SLC44A4: variants seen among roughly 807,000 people sequenced by gnomAD.
SLC44A4 encodes the protein solute carrier family 44 member 4.
Under a neutral mutation model 97.0 loss-of-function variants are expected in SLC44A4, and 74 were observed. That is an observed-to-expected ratio of 0.76 (90% confidence interval 0.63 to 0.93). SLC44A4 has a LOEUF of 0.93. Among genes scored for constraint, SLC44A4 ranks in the 40% least tolerant of loss-of-function variants. The pLI is 0.00. For synonymous variants in SLC44A4, 325 were observed against 363.8 expected, an observed-to-expected ratio of 0.89 and a Z score of 1.21; for missense variants, 799 against 902.9, an observed-to-expected ratio of 0.88 and a Z score of 1.48.
intron 11 of SLC44A4, among the ~76,000 whole-genome samples, chr6:31,870,248 G>GTGAT (rs1306473721): frequency 6.6e-6 from 1 of 152,116 alleles, no homozygotes; most frequent in African/African-American, 2.4e-5. Flanking sequence ...ACCCCCAAGC[G>GTGAT]TGATCCCTTG....
In SLC44A4 at chr6:31,878,934, G is replaced by C. The variant is rs1485647716; in HGVS notation, c.40+7C>G. 11 of 1,613,514 alleles carry C rather than the reference G, an allele frequency of 6.8e-6. No individual in the cohort carries two copies. The highest frequency in any genetic ancestry group is 8.5e-6 in the Non-Finnish European group (10 of 1,179,710). On this transcript the variant is annotated splice_region_variant and intron_variant, in intron 1 of 20. Coordinates refer to ENST00000229729, the MANE Select transcript of SLC44A4 (RefSeq NM_025257.3). This position sits in a 1 kb window ranked among gnomAD's most constrained non-coding sequence, Gnocchi z 4.0. ...CCACAGGGTCCCGGGCCTCGCCCCA[G>C]TCTCACCGTAGGCCTCGTCATCCTC...
rs1161407257 is a variant in SLC44A4 at position 31,876,632 on chromosome 6, G to A, written c.89+402C>T. Reference sequence around the variant, plus strand: ...TGCATGCCTGTAGTCCCAGCTACTCGGAAGGCTAGGGCAGGAGGATCACTT... The same window carrying A: ...TGCATGCCTGTAGTCCCAGCTACTCAGAAGGCTAGGGCAGGAGGATCACTT... On this transcript the variant is annotated intron_variant, in intron 2 of 20. Transcript: ENST00000229729. This position sits in a 1 kb window ranked among gnomAD's most constrained non-coding sequence, Gnocchi z 4.8. Among the ~76,000 whole-genome samples, 1 of 152,088 alleles carries A rather than the reference G, an allele frequency of 6.6e-6. No individual in the cohort carries two copies. The highest frequency in any genetic ancestry group is 2.4e-5 in the African/African-American group (1 of 41,398).
In SLC44A4 at chr6:31,863,415, G is replaced by T; in HGVS notation, c.*212C>A. 1.9e-6 allele frequency: 1 copy of T among 533,146 alleles called. No individual in the cohort carries two copies. The highest frequency in any genetic ancestry group is 3.1e-6 in the Non-Finnish European group (1 of 322,948). 33.0% of individuals were successfully genotyped at this position (533,146 alleles called of 1,614,324 possible). A position where few individuals can be genotyped will look rare whatever the true frequency, so the allele number is the denominator to read the frequency against. On this transcript the variant is annotated 3_prime_UTR_variant, in exon 21 of 21. Coordinates refer to ENST00000229729, the MANE Select transcript of SLC44A4 (RefSeq NM_025257.3). ...TAATTTTTGTATTTTTAATAGAGAC[G>T]GAGGTTTCACCATGTTGGCCAGGCT...
chr6:31,871,188 A>G, intron 9 of SLC44A4, 126 bp downstream of exon 9: 1 of 1,282,110 alleles, frequency 7.8e-7, no homozygotes, highest in Non-Finnish European at 1.1e-6. Context: ...TTGGTCTTGG[A>G]ATCCATTCGG....
rs764772716 is a variant in SLC44A4 at position 31,877,096 on chromosome 6, G to A, written c.41-14C>T. The A allele has an allele frequency of 6.2e-7, 1 of 1,608,350 alleles. No individual in the cohort carries two copies. Among genetic ancestry groups the A allele is most frequent in the Non-Finnish European group, 8.5e-7 (1 of 1,178,344 alleles). On this transcript the variant is annotated splice_polypyrimidine_tract_variant and intron_variant, in intron 1 of 20. Coordinates refer to ENST00000229729, the MANE Select transcript of SLC44A4 (RefSeq NM_025257.3). This position sits in a 1 kb window ranked among gnomAD's most constrained non-coding sequence, Gnocchi z 6.5. ...TGACTGGCTTCCCTGAGGGACATGA[G>A]AAGAGGTGTGGAGGATGAGTCTCTC...
Position 31,866,766 on chromosome 6 carries a change from C to T in SLC44A4, c.1234-640G>A, listed in dbSNP as rs370763977. On this transcript the variant is annotated intron_variant, in intron 13 of 20. Coordinates refer to ENST00000229729, the MANE Select transcript of SLC44A4 (RefSeq NM_025257.3). Reference sequence around the variant, plus strand: ...AAAATTAGCCGGGCGTGGTGGCAGACGCCTATTATCCCAGCTATTCAGGAG... The same window carrying T: ...AAAATTAGCCGGGCGTGGTGGCAGATGCCTATTATCCCAGCTATTCAGGAG... Among the ~76,000 whole-genome samples, 73 of 151,958 alleles carry T rather than the reference C, an allele frequency of 4.8e-4. 1 individual carries two copies. The highest frequency in any genetic ancestry group is 1.4e-3 in the African/African-American group (60 of 41,454).
Position 31,874,656 on chromosome 6 carries a change from C to T in SLC44A4, c.468+65G>A. 3 of 1,565,738 alleles carry T rather than the reference C, an allele frequency of 1.9e-6. No individual in the cohort carries two copies. Among genetic ancestry groups the T allele is most frequent in the Non-Finnish European group, 2.6e-6 (3 of 1,156,248 alleles). On this transcript the variant is annotated intron_variant, in intron 6 of 20. Transcript: ENST00000229729. The surrounding 1 kb of genome is among the most constrained non-coding windows in gnomAD (Gnocchi z 4.8). ...ACCTGGTGATGATCTACCCAACTCC[C>T]CCTCCCTCTCGTGCCCACCCTGGCC...
Position 31,877,132 on chromosome 6 carries a change from T to A in SLC44A4, c.41-50A>T, listed in dbSNP as rs1188143393. Reference sequence around the variant, plus strand: ...GAGGATGAGTCTCTCTCTGCATATCTTGTCCTGCTGAGTCCTCCTAGCCCC... The same window carrying A: ...GAGGATGAGTCTCTCTCTGCATATCATGTCCTGCTGAGTCCTCCTAGCCCC... On this transcript the variant is annotated intron_variant, in intron 1 of 20. Transcript: ENST00000229729. The surrounding 1 kb of genome is among the most constrained non-coding windows in gnomAD (Gnocchi z 6.5). 10 of 1,571,740 alleles carry A rather than the reference T, an allele frequency of 6.4e-6. No homozygotes were observed. Among genetic ancestry groups the A allele is most frequent in the Non-Finnish European group, 6.9e-6 (8 of 1,152,122 alleles).
chr6:31,873,065 C>T (rs976437535), intron 7 of SLC44A4, among the ~76,000 whole-genome samples: 5 of 151,790 alleles, frequency 3.3e-5, no homozygotes, highest in Non-Finnish European at 7.4e-5. Flanking sequence ...TTAGTAGAGA[C>T]GGGGTTTCAC....
intron 7 of SLC44A4, among the ~76,000 whole-genome samples, chr6:31,872,785 T>G (rs1314249441): frequency 6.6e-6 from 1 of 152,262 alleles, no homozygotes; most frequent in Non-Finnish European, 1.5e-5. Flanking sequence ...TGCTAGAATT[T>G]ATATTCAGAT....
intron 11 of SLC44A4, 62 bp downstream of exon 11, chr6:31,870,541 C>T: frequency 1.5e-6 from 2 of 1,369,030 alleles, no homozygotes; most frequent in Non-Finnish European, 2.0e-6. Flanking sequence ...CCCCCTAGGT[C>T]CCCTAGCACT....
At chr6:31,863,798 G>T (rs777501151) in intron 20 of SLC44A4, 50 bp from the exon 21 acceptor site, 1 of 1,608,180 alleles carries the variant, frequency 6.2e-7, no homozygotes. Context: ...CCAGGAAATC[G>T]GGGACTGGGA....
rs945805434 is a variant in SLC44A4, at chr6:31,866,190, G to T, written c.1234-64C>A. On this transcript the variant is annotated intron_variant, in intron 13 of 20. Coordinates refer to ENST00000229729, the MANE Select transcript of SLC44A4 (RefSeq NM_025257.3). ...GGGGGCCTCAGTATGGAGCCTGGGC[G>T]TCCCATTCCCAGTAGCTCCTGCCCC... 4 of 1,570,744 alleles carry T rather than the reference G, an allele frequency of 2.5e-6. No individual in the cohort carries two copies. The African/African-American group carries it at 5.4e-5, about 21-fold the overall frequency.
rs781044708 is a variant in SLC44A4, at chr6:31,874,514, T to C, written c.475A>G (p.Ile159Val). 1 of 1,612,792 alleles carries C rather than the reference T, an allele frequency of 6.2e-7. No homozygotes were observed. Among genetic ancestry groups the C allele is most frequent in the South Asian group, 1.1e-5 (1 of 91,054 alleles). ...CAGAGTTCCTGTTGCAGGCTTGTGA[T>C]CACCGTCTGTGGCAGGAGTGAAAGG... Reference protein sequence around the residue: ...LPGVPWNMTVITSLQQELCPS... With the variant: ...LPGVPWNMTVVTSLQQELCPS... Residue 159 changes from isoleucine (I) to valine (V), a missense_variant, in exon 7 of 21, where the codon ATC becomes GTC. By Grantham distance (29) the Ile-to-Val change is conservative. Transcript: ENST00000229729. This position sits in a 1 kb window ranked among gnomAD's most constrained non-coding sequence, Gnocchi z 4.8.
chr6:31,869,090 G>A, intron 13 of SLC44A4, 65 bp downstream of exon 13: 1 of 1,324,470 alleles, frequency 7.6e-7, no homozygotes, highest in Non-Finnish European at 1.0e-6. Context: ...GCACAATGAG[G>A]AATGTGGCCC....
rs1763562928 is a variant in SLC44A4 at position 31,878,285 on chromosome 6, C to T, written c.40+656G>A. ...CAAGACCAGCTCCTGCTCCTAGCTC[C>T]TCACAGAGACCCCTAGGCAGGACCC... is the stretch of plus-strand genomic sequence containing the variant. On this transcript the variant is annotated intron_variant, in intron 1 of 20. Transcript: ENST00000229729. The surrounding 1 kb of genome is among the most constrained non-coding windows in gnomAD (Gnocchi z 4.0). Among the ~76,000 whole-genome samples the T allele has an allele frequency of 6.6e-6, 1 of 151,984 alleles. No individual in the cohort carries two copies. The highest frequency in any genetic ancestry group is 2.4e-5 in the African/African-American group (1 of 41,348).
In SLC44A4 at chr6:31,874,037, C is replaced by T. The variant is rs536951171; in HGVS notation, c.529+423G>A. Among the ~76,000 whole-genome samples the T allele has an allele frequency of 2.0e-5, 3 of 152,194 alleles. No individual in the cohort carries two copies. Among genetic ancestry groups the T allele is most frequent in the Non-Finnish European group, 4.4e-5 (3 of 68,002 alleles). On this transcript the variant is annotated intron_variant, in intron 7 of 20. Coordinates refer to ENST00000229729, the MANE Select transcript of SLC44A4 (RefSeq NM_025257.3). This position sits in a 1 kb window ranked among gnomAD's most constrained non-coding sequence, Gnocchi z 4.8. ...AGGCTGAAGCAGAGAAGCGCTTGAACCCGGGAGGCGGGGGTTGCAGTGAGC... is the reference window on the plus strand; with the variant it reads ...AGGCTGAAGCAGAGAAGCGCTTGAATCCGGGAGGCGGGGGTTGCAGTGAGC...
chr6:31,871,395 C>T lies in SLC44A4; in HGVS notation c.620G>A (p.Gly207Asp), dbSNP rs773130012. 6.2e-7 allele frequency: 1 copy of T among 1,614,112 alleles called. No individual in the cohort carries two copies. The highest frequency in any genetic ancestry group is 1.1e-5 in the South Asian group (1 of 91,078). ...NDTTIQQGIS[G>D]LIDSLNARDI... The stretch of plus-strand genomic sequence containing the variant: ...TCGGGCATTGAGGCTGTCAATAAGA[C>T]CGCTGTTGGGGAGACAGAGTCAGAT... Residue 207 changes from glycine to aspartate, a missense_variant and splice_region_variant, in exon 9 of 21, where the codon GGT (glycine) becomes GAT (aspartate). Gly to Asp is a moderately conservative substitution (Grantham distance 94, BLOSUM62 -1). Transcript: ENST00000229729.
At position 31,866,089 on chromosome 6, in the gene SLC44A4, CA is replaced by C; in HGVS notation, c.1270del (p.Cys424AlafsTer11). On this transcript the variant is annotated frameshift_variant, in exon 14 of 21. Transcript: ENST00000229729. LOFTEE classifies it high-confidence loss of function. The part of the protein sequence containing the change: ...LVNSSCPGLM[C>X]VFQGYSSKGL... ...TTTGGATGAGTAGCCCTGGAAGACG[CA>C]CATCAGCCCTGGGCACGAGGAGTTC... 1 of 1,614,128 alleles carries C rather than the reference CA, an allele frequency of 6.2e-7. No homozygotes were observed. The highest frequency in any genetic ancestry group is 8.5e-7 in the Non-Finnish European group (1 of 1,180,012).
Sources: gnomAD v4.1 joint callset for allele counts (sites outside exome capture counted in the v4.1 genomes callset) on GRCh38, gnomAD v4.1.1 for gene constraint, Gnocchi (gnomAD v3.1) non-coding constraint, MANE v1.5 for transcripts, NCBI Gene and HGNC (gene_info 2026-07-23, HGNC 2026-07-21) for gene names.